DACH1: variants seen among roughly 807,000 people sequenced by gnomAD.
The protein encoded by DACH1 is dachshund homolog 1.
Under a neutral mutation model 54.2 loss-of-function variants are expected in DACH1, and 12 were observed. That is an observed-to-expected ratio of 0.22 (90% CI 0.14 to 0.36). DACH1 has a LOEUF of 0.36. DACH1 is among the 10% of genes least tolerant of loss of function. DACH1 has a pLI of 1.00. For synonymous variants in DACH1, 386 were observed against 366.2 expected, an observed-to-expected ratio of 1.05 and a Z score of -0.62; for missense variants, 805 against 929.8, an observed-to-expected ratio of 0.87 and a Z score of 1.75.
chr13:71,790,992 T>A (rs1239731927), intron 1 of DACH1, among the ~76,000 whole-genome samples: 1 of 152,092 alleles, frequency 6.6e-6, no homozygotes, highest in Non-Finnish European at 1.5e-5. Context: ...AATTATTAGG[T>A]CTTCAAATGA....
chr13:71,573,362 G>T lies in DACH1; in HGVS notation c.1127-350C>A, dbSNP rs145956608. On this transcript the variant is annotated intron_variant, in intron 3 of 10. Coordinates refer to ENST00000613252, the MANE Select transcript of DACH1 (RefSeq NM_080759.6). The stretch of plus-strand genomic sequence containing the variant: ...TTTATTATGTCCTATTTTGCCAACT[G>T]ATAAATACAATTTAAAAAAAACTAT... 3,655 of 706,318 alleles carry T rather than the reference G, an allele frequency of 5.2e-3. 17 individuals carry two copies. Among genetic ancestry groups the T allele is most frequent in the Admixed American group, 8.3e-3 (398 of 48,136 alleles). The allele number at this position is 706,318 out of a possible 1,614,324, so 43.8% of individuals were successfully genotyped here. A position where few individuals can be genotyped will look rare whatever the true frequency, so the allele number is the denominator to read the frequency against.
intron 3 of DACH1, among the ~76,000 whole-genome samples, chr13:71,591,784 T>C (rs1873730687): frequency 6.6e-6 from 1 of 152,178 alleles, no homozygotes; most frequent in African/African-American, 2.4e-5. Flanking sequence ...TTAAGGTATT[T>C]AGAACATCCA....
At chr13:71,526,706 GTATATA>G (rs36030987) in intron 6 of DACH1, among the ~76,000 whole-genome samples, 1 of 144,252 alleles carries the variant, frequency 6.9e-6, no homozygotes. Context: ...ATGTGTGTGT[GTATATA>G]TATATATATA....
Position 71,440,586 on chromosome 13 carries a change from A to G in DACH1, c.*69T>C. 1 of 1,298,562 alleles carries G rather than the reference A, an allele frequency of 7.7e-7. No homozygotes were observed. The allele number at this position is 1,298,562 out of a possible 1,614,324, so 80.4% of individuals were successfully genotyped here. On this transcript the variant is annotated 3_prime_UTR_variant, in exon 11 of 11. Transcript: ENST00000613252. ...TTAAAAGGACTTTATTTTTTTCTGA[A>G]CTTTCCCATGACGAATGTCTGACTG...
In DACH1 at chr13:71,778,206, A is replaced by G. The variant is rs141873866; in HGVS notation, c.848+87716T>C. Among the ~76,000 whole-genome samples, 31 of 152,176 alleles carry G rather than the reference A, an allele frequency of 2.0e-4. No individual in the cohort carries two copies. In the East Asian group the frequency reaches 3.5e-3, roughly 17 times the overall value. On this transcript the variant is annotated intron_variant, in intron 1 of 10. Coordinates refer to ENST00000613252, the MANE Select transcript of DACH1 (RefSeq NM_080759.6). ...AGCTAGTTATTTCTCTCAATTTACAAAAGACAATGCATTGCTCCAAGAGAT... is the reference window on the plus strand; with the variant it reads ...AGCTAGTTATTTCTCTCAATTTACAGAAGACAATGCATTGCTCCAAGAGAT...
intron 8 of DACH1, 66 bp downstream of exon 8, chr13:71,479,103 C>A: frequency 1.5e-6 from 2 of 1,360,366 alleles, no homozygotes; most frequent in Non-Finnish European, 9.9e-7. Context: ...AATAAATCAC[C>A]ATCATAGTAT....
At chr13:71,700,787 C>G (rs1489786986) in intron 1 of DACH1, among the ~76,000 whole-genome samples, 1 of 151,994 alleles carries the variant, frequency 6.6e-6, no homozygotes, top group African/African-American at 2.4e-5. Context: ...ACAATAAAAT[C>G]TTTATATTTG....
At chr13:71,567,848 G>A (rs530505371) in intron 4 of DACH1, among the ~76,000 whole-genome samples, 10 of 151,746 alleles carry the variant, frequency 6.6e-5, no homozygotes, top group Non-Finnish European at 8.8e-5. Context: ...CAGCAAGTAC[G>A]CCCTTTTCAA....
At position 71,438,648 on chromosome 13, in the gene DACH1, C is replaced by G. The variant is rs1873726784; in HGVS notation, c.*2007G>C. On this transcript the variant is annotated 3_prime_UTR_variant, in exon 11 of 11. Coordinates refer to ENST00000613252, the MANE Select transcript of DACH1 (RefSeq NM_080759.6). ...AGCAGAGCAATGGCTGATTCTACTACATATGTAAGTTGTAGGCTTTTTTAA... is the reference window on the plus strand; with the variant it reads ...AGCAGAGCAATGGCTGATTCTACTAGATATGTAAGTTGTAGGCTTTTTTAA... 1 of 152,410 alleles carries G rather than the reference C, an allele frequency of 6.6e-6. No homozygotes were observed. The highest frequency in any genetic ancestry group is 2.4e-5 in the African/African-American group (1 of 41,434). 9.4% of individuals were successfully genotyped at this position (152,410 alleles called of 1,614,324 possible). A position where few individuals can be genotyped will look rare whatever the true frequency, so the allele number is the denominator to read the frequency against.
At chr13:71,848,530 C>A (rs950262653) in intron 1 of DACH1, among the ~76,000 whole-genome samples, 1 of 151,466 alleles carries the variant, frequency 6.6e-6, no homozygotes, top group Non-Finnish European at 1.5e-5. Context: ...GAATTCTAAA[C>A]AGAAAACAAC....
chr13:71,636,569 A>T (rs1877501523), intron 2 of DACH1, among the ~76,000 whole-genome samples: 1 of 149,188 alleles, frequency 6.7e-6, no homozygotes, highest in South Asian at 2.1e-4. Context: ...AATAATAATA[A>T]TAATAATAAT....
chr13:71,638,379 G>A (rs945827838), intron 2 of DACH1, among the ~76,000 whole-genome samples: 2 of 152,122 alleles, frequency 1.3e-5, no homozygotes, highest in Non-Finnish European at 2.9e-5. Context: ...ACGCAGTCCT[G>A]GTTCCTAACC....
At chr13:71,547,040 T>C (rs1312669745) in intron 6 of DACH1, among the ~76,000 whole-genome samples, 2 of 152,044 alleles carry the variant, frequency 1.3e-5, no homozygotes, top group African/African-American at 2.4e-5. Flanking sequence ...AGCTTCCCCA[T>C]GTAAATTGTG....
chr13:71,530,676 GA>G (rs1348001473), intron 6 of DACH1, among the ~76,000 whole-genome samples: 1 of 150,604 alleles, frequency 6.6e-6, no homozygotes, highest in Admixed American at 6.6e-5. Context: ...AAGGCAAAAG[GA>G]AAAAAAAGAC....
At chr13:71,489,839 C>G (rs558665280) in intron 6 of DACH1, among the ~76,000 whole-genome samples, 1 of 152,162 alleles carries the variant, frequency 6.6e-6, no homozygotes, top group South Asian at 2.1e-4. Context: ...AATGCTACTT[C>G]TATAACAACA....
rs1593668277 is a variant in DACH1, at chr13:71,866,417, C to A, written c.353G>T (p.Gly118Val). 1 of 1,429,304 alleles carries A rather than the reference C, an allele frequency of 7.0e-7. No homozygotes were observed. Among genetic ancestry groups the A allele is most frequent in the Non-Finnish European group, 9.2e-7 (1 of 1,086,084 alleles). 88.5% of individuals were successfully genotyped at this position (1,429,304 alleles called of 1,614,324 possible). Residue 118 changes from glycine to valine, a missense_variant, in exon 1 of 11, where the codon GGC becomes GTC. Physicochemically the swap from Gly to Val is moderately radical, Grantham distance 109. Coordinates refer to ENST00000613252, the MANE Select transcript of DACH1 (RefSeq NM_080759.6). Reference sequence around the variant, plus strand: ...GCCGCCAGCGCTGATGCCGCCGCCGCCGCCGCCGCTGCCGTTGCTCGCGGC... The same window carrying A: ...GCCGCCAGCGCTGATGCCGCCGCCGACGCCGCCGCTGCCGTTGCTCGCGGC... ...LAAASNGSGG[G>V]GGGISAGGGV...
intron 2 of DACH1, among the ~76,000 whole-genome samples, chr13:71,674,488 G>A (rs1450224682): frequency 2.1e-5 from 3 of 142,760 alleles, no homozygotes; most frequent in Admixed American, 2.1e-4. Flanking sequence ...CACACACGAA[G>A]GCGACATTAC....
intron 1 of DACH1, among the ~76,000 whole-genome samples, chr13:71,770,658 C>A (rs998459155): frequency 6.6e-6 from 1 of 151,490 alleles, no homozygotes; most frequent in African/African-American, 2.4e-5. Flanking sequence ...GGGTAGAAAA[C>A]GTAATTTATT....
intron 3 of DACH1, among the ~76,000 whole-genome samples, chr13:71,592,485 A>T (rs1403352714): frequency 7.4e-6 from 1 of 134,882 alleles, no homozygotes; most frequent in Non-Finnish European, 1.5e-5. Flanking sequence ...ACATAGCAAG[A>T]CTCTATCTCA....
Sources: allele counts gnomAD v4.1 joint callset (sites outside exome capture counted in the v4.1 genomes callset), GRCh38; gene constraint gnomAD v4.1.1; transcripts MANE v1.5; gene names NCBI Gene and HGNC (gene_info 2026-07-23, HGNC 2026-07-21).